CHODL: variants seen among roughly 807,000 people sequenced by gnomAD.
CHODL encodes the protein chondrolectin.
In CHODL, 29 loss-of-function variants were observed where a neutral mutation model predicts 34.5. The ratio of observed to expected loss-of-function variants is 0.84; its 90% confidence interval spans 0.63 to 1.15. The LOEUF (loss-of-function observed/expected upper bound fraction) is 1.15, where lower values mean the gene tolerates loss of function less well. Among genes scored for constraint, CHODL ranks in the 50% most tolerant of loss-of-function variants. The pLI is 0.00. For missense variants in CHODL, 332 were observed against 332.5 expected (o/e 1.00, Z 0.01); for synonymous variants, 125 against 116.1 (o/e 1.08, Z -0.49).
At chr21:18,002,696 G>C (rs1317365947) in intron 1 of CHODL, among the ~76,000 whole-genome samples, 1 of 152,160 alleles carries the variant, frequency 6.6e-6, no homozygotes, top group Non-Finnish European at 1.5e-5. Flanking sequence ...TCATGGAGTG[G>C]AAGACGCCTC....
chr21:18,161,568 G>A (rs899591926), intron 2 of CHODL, among the ~76,000 whole-genome samples: 1 of 152,068 alleles, frequency 6.6e-6, no homozygotes, highest in Non-Finnish European at 1.5e-5. Flanking sequence ...TTCCTTAAAT[G>A]GGTCATGCTT....
chr21:18,096,615 T>A (rs1309694650), intron 2 of CHODL, among the ~76,000 whole-genome samples: 1 of 152,154 alleles, frequency 6.6e-6, no homozygotes, highest in African/African-American at 2.4e-5. Context: ...AATTCCAGAC[T>A]GGTGAATTCT....
chr21:18,220,416 C>T (rs930556546), intron 2 of CHODL, among the ~76,000 whole-genome samples: 1 of 152,044 alleles, frequency 6.6e-6, no homozygotes, highest in Non-Finnish European at 1.5e-5. Flanking sequence ...CTTTCTTTCT[C>T]TCTTATTTCT....
chr21:18,239,090 G>C (rs192768159), intron 2 of CHODL, among the ~76,000 whole-genome samples: 54 of 152,158 alleles, frequency 3.5e-4, no homozygotes, highest in Admixed American at 3.0e-3. Flanking sequence ...AAAGGATCAA[G>C]CAATAGAAAT....
intron 2 of CHODL, among the ~76,000 whole-genome samples, chr21:18,207,680 T>TTTTTTTTTG (rs2073727635): frequency 6.8e-6 from 1 of 147,660 alleles, no homozygotes; most frequent in Admixed American, 6.8e-5. Flanking sequence ...TTTTTTTTTT[T>TTTTTTTTTG]GCGGGGAAAG....
chr21:18,213,176 T>A (rs2073790905), intron 2 of CHODL, among the ~76,000 whole-genome samples: 1 of 152,158 alleles, frequency 6.6e-6, no homozygotes, highest in Non-Finnish European at 1.5e-5. Flanking sequence ...TGAGACACTC[T>A]TATAATTTAG....
At chr21:17,971,087 T>A (rs1254807903) in intron 1 of CHODL, among the ~76,000 whole-genome samples, 1 of 152,230 alleles carries the variant, frequency 6.6e-6, no homozygotes, top group Non-Finnish European at 1.5e-5. Context: ...GGCTACATAG[T>A]ATTCCATGAT....
At chr21:18,074,192 A>G (rs1365067208) in intron 2 of CHODL, among the ~76,000 whole-genome samples, 3 of 152,132 alleles carry the variant, frequency 2.0e-5, no homozygotes, top group African/African-American at 7.2e-5. Context: ...AAAAGATCTC[A>G]TTTTGCCTGT....
chr21:18,128,209 G>C (rs1392331751), intron 2 of CHODL, among the ~76,000 whole-genome samples: 1 of 147,812 alleles, frequency 6.8e-6, no homozygotes, highest in Admixed American at 6.8e-5. Context: ...GCCGAGGCAG[G>C]AGAATGGTGT....
At chr21:18,022,838 A>G (rs1159725992) in intron 1 of CHODL, among the ~76,000 whole-genome samples, 41 of 152,236 alleles carry the variant, frequency 2.7e-4, no homozygotes, top group Admixed American at 2.7e-3. Context: ...TATCTTGTTT[A>G]GTCTTCACAA....
chr21:18,061,936 T>C (rs1476422021), intron 2 of CHODL, among the ~76,000 whole-genome samples: 1 of 152,142 alleles, frequency 6.6e-6, no homozygotes, highest in Non-Finnish European at 1.5e-5. Flanking sequence ...AAAATAGTCA[T>C]CAAAAAGTCC....
chr21:17,945,117 TAGG>T (rs1209462713), intron 1 of CHODL, among the ~76,000 whole-genome samples: 1 of 149,422 alleles, frequency 6.7e-6, no homozygotes, highest in Admixed American at 6.7e-5. Flanking sequence ...GAGGCTGAGG[TAGG>T]AGAATGGCGT....
At chr21:18,145,412 AGG>A (rs1321591046) in intron 2 of CHODL, among the ~76,000 whole-genome samples, 8 of 127,426 alleles carry the variant, frequency 6.3e-5, no homozygotes, top group Non-Finnish European at 1.3e-4. Context: ...ACTCCAGCCT[AGG>A]GGACGAGTGA....
chr21:18,258,815 T>A (rs889216495), intron 3 of CHODL, among the ~76,000 whole-genome samples: 13 of 152,136 alleles, frequency 8.5e-5, no homozygotes, highest in African/African-American at 3.1e-4. Flanking sequence ...TCCTTGAGCT[T>A]AGTGTCTGCT....
chr21:17,952,821 C>G (rs2063469379), intron 1 of CHODL, among the ~76,000 whole-genome samples: 1 of 152,184 alleles, frequency 6.6e-6, no homozygotes, highest in South Asian at 2.1e-4. Context: ...GTTTAATCGC[C>G]TCTCAGTCCC....
intron 2 of CHODL, among the ~76,000 whole-genome samples, chr21:18,222,300 G>C (rs11908838): frequency 0.031 from 4,724 of 152,170 alleles, 197 homozygotes; most frequent in African/African-American, 0.095. Context: ...GAGGCTCTCT[G>C]CACTAATGTG....
At chr21:18,082,736 G>T (rs2064957419) in intron 2 of CHODL, among the ~76,000 whole-genome samples, 1 of 152,186 alleles carries the variant, frequency 6.6e-6, no homozygotes. Flanking sequence ...TTGAGAGAGA[G>T]AATTTAAGGT....
At chr21:18,211,164 A>ACACACACACT (rs1408780890) in intron 2 of CHODL, among the ~76,000 whole-genome samples, 1 of 151,334 alleles carries the variant, frequency 6.6e-6, no homozygotes, top group South Asian at 2.1e-4. Context: ...ACACACACAC[A>ACACACACACT]CACACTCACA....
chr21:18,227,401 A>G (rs533672146), intron 2 of CHODL, among the ~76,000 whole-genome samples: 3 of 152,270 alleles, frequency 2.0e-5, no homozygotes, highest in East Asian at 1.9e-4. Flanking sequence ...TTTGTCTGAT[A>G]TGTACATTTT....
Sources: allele counts gnomAD v4.1 joint callset (sites outside exome capture counted in the v4.1 genomes callset), GRCh38; gene constraint gnomAD v4.1.1; transcripts MANE v1.5; gene names NCBI Gene and HGNC (gene_info 2026-07-23, HGNC 2026-07-21).